Variants in COQ6 observed in about 807,000 individuals in gnomAD.
The protein encoded by COQ6 is coenzyme Q6, monooxygenase, also known as ubiquinone biosynthesis monooxygenase COQ6, mitochondrial.
COQ6 carries 45 observed loss-of-function variants against 55.5 expected under a neutral mutation model. That is an observed-to-expected ratio of 0.81 (90% CI 0.64 to 1.04). The LOEUF (loss-of-function observed/expected upper bound fraction) is 1.04, where lower values mean the gene tolerates loss of function less well. Among genes scored for constraint, COQ6 ranks in the 50% least tolerant of loss-of-function variants. The probability of loss-of-function intolerance (pLI) is 0.00; values close to 1 mark genes in which losing one functional copy is unlikely to be tolerated. For missense variants in COQ6, 550 were observed against 601.3 expected, an observed-to-expected ratio of 0.91 and a Z score of 0.89; for synonymous variants, 206 against 230.5, an observed-to-expected ratio of 0.89 and a Z score of 0.96.
At chr14:73,955,170 GTCTCTATCTCCTGA>G (rs2056374630) in intron 2 of COQ6, among the ~76,000 whole-genome samples, 1 of 151,790 alleles carries the variant, frequency 6.6e-6, no homozygotes, top group East Asian at 2.0e-4. Context: ...AGCCAGGATG[GTCTCTATCTCCTGA>G]TCTCGTGATC....
intron 5 of COQ6, 194 bp from the exon 6 acceptor site, chr14:73,958,777 T>C: frequency 6.7e-7 from 1 of 1,491,836 alleles, no homozygotes; most frequent in Non-Finnish European, 8.9e-7. Context: ...CATGTCCAGC[T>C]TTGGCTCTGT....
At position 73,961,855 on chromosome 14, in the gene COQ6, G is replaced by C; in HGVS notation, c.1329G>C (p.Leu443Phe). 6.2e-7 allele frequency: 1 copy of C among 1,614,184 alleles called. No homozygotes were observed. The highest frequency in any genetic ancestry group is 8.5e-7 in the Non-Finnish European group (1 of 1,180,032). Residue 443 changes from leucine (L) to phenylalanine (F), a missense_variant, in exon 11 of 12, where the codon TTG (leucine) becomes TTC (phenylalanine). By Grantham distance (22) the Leu-to-Phe change is conservative. Coordinates refer to ENST00000334571, the MANE Select transcript of COQ6 (RefSeq NM_182476.3). ...CTACCAGTGCCTCCCCGCTTGTGTT[G>C]CTCAGGACGTGGGGCTTGCAGGCCA... The part of the protein sequence containing the change: ...LYSTSASPLV[L>F]LRTWGLQATN...
upstream of COQ6, chr14:73,950,206 C>A: frequency 6.5e-7 from 1 of 1,545,390 alleles, no homozygotes; most frequent in South Asian, 1.2e-5. Context: ...GGCCTATTTT[C>A]TCCGCGCATT....
intron 2 of COQ6, among the ~76,000 whole-genome samples, chr14:73,953,976 G>A (rs1775720773): frequency 1.3e-5 from 2 of 152,160 alleles, no homozygotes; most frequent in African/African-American, 2.4e-5. Flanking sequence ...TGAATAATGT[G>A]TGCACATGGA....
intron 4 of COQ6, 67 bp from the exon 5 acceptor site, chr14:73,958,080 A>T: frequency 7.6e-7 from 1 of 1,316,412 alleles, no homozygotes; most frequent in Non-Finnish European, 1.1e-6. Flanking sequence ...AGGTTTAGTT[A>T]TGGCTTTTTC....
intron 2 of COQ6, 103 bp downstream of exon 2, chr14:73,953,672 C>T: frequency 6.7e-7 from 1 of 1,485,990 alleles, no homozygotes; most frequent in African/African-American, 1.4e-5. Flanking sequence ...AAGGAGGGAG[C>T]TCACTGAGGT....
At chr14:73,958,828 G>T (rs2056567854) in intron 5 of COQ6, 143 bp from the exon 6 acceptor site, 3 of 1,536,582 alleles carry the variant, frequency 2.0e-6, no homozygotes, top group Non-Finnish European at 2.6e-6. Context: ...TCCACCTCTA[G>T]GGGCTGTGAG....
intron 8 of COQ6, chr14:73,960,399 T>C: frequency 3.0e-6 from 3 of 988,162 alleles, no homozygotes; most frequent in Non-Finnish European, 3.6e-6. Context: ...GGTACCAGTA[T>C]TACTTTTGGA....
Position 73,961,921 on chromosome 14 carries a change from G to A in COQ6, c.1377+18G>A. 6.2e-7 allele frequency: 1 copy of A among 1,613,898 alleles called. No homozygotes were observed. The highest frequency in any genetic ancestry group is 8.5e-7 in the Non-Finnish European group (1 of 1,179,874). ...CACTCAAAGTAAGAGGTTGCTCAGA[G>A]GAATGACTTTGCAAACAGCTCTTAA... is the stretch of plus-strand genomic sequence containing the variant. On this transcript the variant is annotated intron_variant, in intron 11 of 11. Coordinates refer to ENST00000334571, the MANE Select transcript of COQ6 (RefSeq NM_182476.3).
At chr14:73,958,466 C>G in intron 5 of COQ6, 189 bp downstream of exon 5, 3 of 1,449,498 alleles carry the variant, frequency 2.1e-6, no homozygotes, top group Non-Finnish European at 2.7e-6. Flanking sequence ...AGGGAGCAAT[C>G]TCATGGGCCG....
intron 11 of COQ6, 69 bp from the exon 12 acceptor site, chr14:73,962,900 AT>A: frequency 7.7e-7 from 1 of 1,293,084 alleles, no homozygotes; most frequent in Non-Finnish European, 1.1e-6. Flanking sequence ...CTACGTGATT[AT>A]TATCTACAAT....
intron 1 of COQ6, among the ~76,000 whole-genome samples, chr14:73,951,582 T>C (rs1051351004): frequency 1.3e-5 from 2 of 151,246 alleles, no homozygotes; most frequent in African/African-American, 4.9e-5. Flanking sequence ...TGCCCCTTCC[T>C]CCCAAAGTGC....
chr14:73,950,137 G>A, upstream of COQ6: 1 of 1,596,660 alleles, frequency 6.3e-7, no homozygotes, highest in Non-Finnish European at 8.5e-7. Flanking sequence ...GCGTCTGGTT[G>A]GCTTCCAGGG....
intron 4 of COQ6, chr14:73,956,552 C>G (rs966853558): frequency 6.5e-6 from 1 of 153,528 alleles, no homozygotes. Flanking sequence ...CTGTAGCCAT[C>G]CTGTTGAGAG....
At chr14:73,960,969 T>C in intron 8 of COQ6, 1 of 680,834 alleles carries the variant, frequency 1.5e-6, no homozygotes, top group Non-Finnish European at 2.6e-6. Flanking sequence ...CCAGCTCATG[T>C]ACAGTTTGGC....
chr14:73,950,242 G>T, upstream of COQ6: 2 of 1,538,464 alleles, frequency 1.3e-6, no homozygotes, highest in Non-Finnish European at 1.7e-6. Context: ...AGGACGCCGC[G>T]GAAGCGGGAC....
At chr14:73,958,427 T>A (rs1294133441) in intron 5 of COQ6, 150 bp downstream of exon 5, 1 of 1,509,740 alleles carries the variant, frequency 6.6e-7, no homozygotes. Context: ...CCAGCTCAAG[T>A]GGAGATGGTC....
chr14:73,950,625 C>T, intron 1 of COQ6, 130 bp downstream of exon 1: 2 of 1,364,060 alleles, frequency 1.5e-6, no homozygotes, highest in Non-Finnish European at 2.0e-6. Flanking sequence ...CCCTCCCCTC[C>T]TAGAGGAACC....
rs2056606668 is a variant in COQ6 at position 73,959,528 on chromosome 14, T to C, written c.891+6T>C. 1 of 1,613,896 alleles carries C rather than the reference T, an allele frequency of 6.2e-7. No individual in the cohort carries two copies. Among genetic ancestry groups the C allele is most frequent in the Non-Finnish European group, 8.5e-7 (1 of 1,180,026 alleles). On this transcript the variant is annotated splice_donor_region_variant and intron_variant, in intron 8 of 11. Coordinates refer to ENST00000334571, the MANE Select transcript of COQ6 (RefSeq NM_182476.3). ...ATGCCGTTAACTCTGCCTTTGTGAG[T>C]ATCAATTTACCCAGCTGATGATGTG...
Sources: allele counts gnomAD v4.1 joint callset (sites outside exome capture counted in the v4.1 genomes callset), GRCh38; gene constraint gnomAD v4.1.1; transcripts MANE v1.5; gene names NCBI Gene and HGNC (gene_info 2026-07-23, HGNC 2026-07-21).